TBC1D19: variants seen among roughly 807,000 people sequenced by gnomAD.
The protein encoded by TBC1D19 is TBC1 domain family member 19, also known as TBC1 domain family, member 19.
In TBC1D19, 60 loss-of-function variants were observed where a neutral mutation model predicts 89.0. That is an observed-to-expected ratio of 0.67 (90% CI 0.55 to 0.84). The LOEUF (loss-of-function observed/expected upper bound fraction) is 0.84. TBC1D19 is among the 40% of genes least tolerant of loss of function. The probability of loss-of-function intolerance (pLI) is 0.00; values close to 1 mark genes in which losing one functional copy is unlikely to be tolerated. For synonymous variants in TBC1D19, 189 were observed against 199.7 expected (o/e 0.95, Z 0.45); for missense variants, 500 against 610.8 (o/e 0.82, Z 1.91).
At chr4:26,679,218 G>A (rs1394472837) in intron 11 of TBC1D19, among the ~76,000 whole-genome samples, 1 of 152,122 alleles carries the variant, frequency 6.6e-6, no homozygotes, top group African/African-American at 2.4e-5. Flanking sequence ...GGCTTAGGAG[G>A]GAAAAATGGT....
intron 15 of TBC1D19, among the ~76,000 whole-genome samples, chr4:26,726,248 C>T (rs573848793): frequency 2.0e-5 from 3 of 151,850 alleles, no homozygotes; most frequent in Admixed American, 2.0e-4. Context: ...TGCTGATAAA[C>T]GTCCTACAGT....
At position 26,648,927 on chromosome 4, in the gene TBC1D19, A is replaced by T. The variant is rs543928675; in HGVS notation, c.480+8740A>T. Among the ~76,000 whole-genome samples the T allele has an allele frequency of 5.3e-5, 8 of 152,084 alleles. No homozygotes were observed. The East Asian group carries it at 9.6e-4, about 18-fold the overall frequency. ...AATTGATCTTTTATTACTCATGCTGAGATCTTTTTAAAATTACGAATATTT... is the reference window on the plus strand; with the variant it reads ...AATTGATCTTTTATTACTCATGCTGTGATCTTTTTAAAATTACGAATATTT... On this transcript the variant is annotated intron_variant, in intron 7 of 20. Coordinates refer to ENST00000264866, the MANE Select transcript of TBC1D19 (RefSeq NM_018317.4).
the TBC1D19 span, among the ~76,000 whole-genome samples, chr4:26,786,796 G>GATGGATGT: frequency 0.31 from 46,303 of 147,644 alleles, 8,399 homozygotes; most frequent in East Asian, 0.53. Context: ...TGGATGGATG[G>GATGGATGT]GTGGGTGGAA....
intron 16 of TBC1D19, among the ~76,000 whole-genome samples, chr4:26,737,244 C>G (rs530654436): frequency 6.6e-6 from 1 of 151,900 alleles, no homozygotes; most frequent in Non-Finnish European, 1.5e-5. Context: ...TCTTGGGCAA[C>G]CAAAATTTCA....
intron 9 of TBC1D19, among the ~76,000 whole-genome samples, chr4:26,667,160 G>GCAACA: frequency 6.6e-6 from 1 of 151,792 alleles, no homozygotes; most frequent in Non-Finnish European, 1.5e-5. Context: ...ACTATATGTT[G>GCAACA]CATCTATATT....
At chr4:26,688,902 A>T (rs1714042889) in intron 13 of TBC1D19, among the ~76,000 whole-genome samples, 1 of 152,092 alleles carries the variant, frequency 6.6e-6, no homozygotes, top group Admixed American at 6.6e-5. Flanking sequence ...ATAAATAGAA[A>T]ATATGTAATT....
chr4:26,589,052 A>G (rs1192050522), intron 1 of TBC1D19, among the ~76,000 whole-genome samples: 1 of 152,102 alleles, frequency 6.6e-6, no homozygotes, highest in Non-Finnish European at 1.5e-5. Context: ...AGGTGGGCAA[A>G]TCACTTAAGG....
chr4:26,835,068 G>A, the TBC1D19 span, among the ~76,000 whole-genome samples: 1 of 152,178 alleles, frequency 6.6e-6, no homozygotes, highest in Admixed American at 6.5e-5. Flanking sequence ...TGTCTTATGT[G>A]GCAAAAGGGA....
Position 26,643,386 on chromosome 4 carries a change from A to G in TBC1D19, c.480+3199A>G, listed in dbSNP as rs534965766. On this transcript the variant is annotated intron_variant, in intron 7 of 20. Transcript: ENST00000264866. ...GATGCTCTTTGAAACCAATGAGAAC[A>G]AAGAGAAACATACCAGAATCTCTGG... Among the ~76,000 whole-genome samples, 8 of 152,368 alleles carry G rather than the reference A, an allele frequency of 5.3e-5. No homozygotes were observed. The South Asian group carries it at 1.7e-3, about 32-fold the overall frequency.
chr4:26,590,796 GTTTTTT>G (rs869124166), intron 1 of TBC1D19, among the ~76,000 whole-genome samples: 3 of 52,958 alleles, frequency 5.7e-5, no homozygotes, highest in Non-Finnish European at 9.4e-5. Context: ...TTGCAGGTCT[GTTTTTT>G]TTTTTTTTTT....
the TBC1D19 span, among the ~76,000 whole-genome samples, chr4:26,855,346 A>G: frequency 6.6e-6 from 1 of 152,044 alleles, no homozygotes; most frequent in South Asian, 2.1e-4. Flanking sequence ...CCTTTTTTGC[A>G]CAATTCAACT....
chr4:26,578,400 C>A (rs1031590818), intron 1 of TBC1D19, among the ~76,000 whole-genome samples: 5 of 152,164 alleles, frequency 3.3e-5, no homozygotes, highest in Admixed American at 6.5e-5. Context: ...TGCAGCCGTC[C>A]TATTCTCATA....
the TBC1D19 span, among the ~76,000 whole-genome samples, chr4:26,842,346 T>TTTC: frequency 2.4e-3 from 291 of 123,552 alleles, no homozygotes; most frequent in African/African-American, 6.7e-3. Context: ...TTTTCTTTTT[T>TTTC]TTTTTTTTTT....
rs1032088974 is a variant in TBC1D19 at position 26,650,936 on chromosome 4, T to C, written c.481-8661T>C. ...TCCAGTTTCAGCTCTCTACATATGG[T>C]TAGCCAGTTTTCCCAGCACCATTTA... On this transcript the variant is annotated intron_variant, in intron 7 of 20. Transcript: ENST00000264866. Among the ~76,000 whole-genome samples, 17 of 152,244 alleles carry C rather than the reference T, an allele frequency of 1.1e-4. No individual in the cohort carries two copies. In the East Asian group the frequency reaches 2.5e-3, roughly 22 times the overall value.
intron 13 of TBC1D19, among the ~76,000 whole-genome samples, chr4:26,711,132 T>C (rs1170556992): frequency 6.6e-6 from 1 of 152,176 alleles, no homozygotes; most frequent in African/African-American, 2.4e-5. Context: ...TGCCTAGGTT[T>C]TCTTCTAGGG....
At chr4:26,799,533 G>A in the TBC1D19 span, among the ~76,000 whole-genome samples, 13 of 152,168 alleles carry the variant, frequency 8.5e-5, no homozygotes, top group Non-Finnish European at 1.9e-4. Context: ...AAATTAATAT[G>A]TCAAAACCTA....
At chr4:26,699,706 C>G (rs1299102442) in intron 13 of TBC1D19, among the ~76,000 whole-genome samples, 1 of 152,102 alleles carries the variant, frequency 6.6e-6, no homozygotes, top group African/African-American at 2.4e-5. Flanking sequence ...AGTTCATGTC[C>G]TTTGTAGAGA....
rs557549998 is a variant in TBC1D19 at position 26,650,711 on chromosome 4, T to A, written c.481-8886T>A. Among the ~76,000 whole-genome samples the A allele has an allele frequency of 2.9e-3, 434 of 152,182 alleles. 3 individuals carry two copies. Among genetic ancestry groups the A allele is most frequent in the African/African-American group, 9.2e-3 (381 of 41,542 alleles). On this transcript the variant is annotated intron_variant, in intron 7 of 20. Coordinates refer to ENST00000264866, the MANE Select transcript of TBC1D19 (RefSeq NM_018317.4). ...TTCTTTTGCTGTGCAGAAGCTCTTTTGTTTAATTAGATCCCATTTGTCAAT... is the reference window on the plus strand; with the variant it reads ...TTCTTTTGCTGTGCAGAAGCTCTTTAGTTTAATTAGATCCCATTTGTCAAT...
At chr4:26,752,785 T>G (rs1719042606) in intron 19 of TBC1D19, among the ~76,000 whole-genome samples, 1 of 152,234 alleles carries the variant, frequency 6.6e-6, no homozygotes, top group Non-Finnish European at 1.5e-5. Flanking sequence ...ATTACTCTTT[T>G]TCCATGTGCG....
Sources: allele counts gnomAD v4.1 joint callset (sites outside exome capture counted in the v4.1 genomes callset), GRCh38; gene constraint gnomAD v4.1.1; transcripts MANE v1.5; gene names NCBI Gene and HGNC (gene_info 2026-07-23, HGNC 2026-07-21).